BCL11A: variants seen among roughly 807,000 people sequenced by gnomAD.
BCL11A encodes BCL11 transcription factor A, also known as B cell CLL/lymphoma 11A.
BCL11A carries 2 observed loss-of-function variants against 55.9 expected under a neutral mutation model. The observed-to-expected ratio is 0.04, with a 90% CI of 0.01 to 0.11. The LOEUF (loss-of-function observed/expected upper bound fraction) is 0.11, where lower values mean the gene tolerates loss of function less well. BCL11A is among the 10% of genes least tolerant of loss of function. The pLI, the probability that BCL11A is intolerant of heterozygous loss-of-function variation, is 1.00. For missense variants in BCL11A, 817 were observed against 1,137.1 expected (o/e 0.72, Z 4.05); for synonymous variants, 465 against 473.4 (o/e 0.98, Z 0.23).
rs2103786411 is a variant in BCL11A, at chr2:60,457,771, A to C, written c.*2633T>G. The C allele has an allele frequency of 9.6e-7, 1 of 1,039,902 alleles. No homozygotes were observed. The highest frequency in any genetic ancestry group is 5.8e-5 in the East Asian group (1 of 17,220). The allele number at this position is 1,039,902 out of a possible 1,614,324, so 64.4% of individuals were successfully genotyped here. On this transcript the variant is annotated 3_prime_UTR_variant, in exon 4 of 4. Transcript: ENST00000642384. ...ATAGAAGGAAAGGGACAAAAAGCAC[A>C]CTACATAACAAACCAACGTTATTAG...
intron 2 of BCL11A, chr2:60,526,295 A>G (rs566951080): frequency 1.3e-3 from 203 of 152,360 alleles, no homozygotes; most frequent in African/African-American, 4.5e-3. Context: ...AATAGTTTTC[A>G]TCTTTAAAAG....
chr2:60,539,722 A>G (rs562983283), intron 2 of BCL11A, among the ~76,000 whole-genome samples: 1 of 152,362 alleles, frequency 6.6e-6, no homozygotes, highest in East Asian at 1.9e-4. Context: ...AGAGAGCTAA[A>G]GAATTCTTAT....
chr2:60,526,513 G>A (rs557904468), intron 2 of BCL11A: 1 of 152,292 alleles, frequency 6.6e-6, no homozygotes, highest in African/African-American at 2.4e-5. Context: ...AAATGTGTCG[G>A]GTAATTAAAT....
intron 2 of BCL11A, among the ~76,000 whole-genome samples, chr2:60,505,966 G>A (rs1399043129): frequency 6.6e-6 from 1 of 152,224 alleles, no homozygotes; most frequent in Middle Eastern, 3.2e-3. Context: ...AGATGGCATG[G>A]TGGCATTTGG....
Position 60,461,471 on chromosome 2 carries a change from C to G in BCL11A, c.1441G>C (p.Glu481Gln). The G allele has an allele frequency of 6.2e-7, 1 of 1,604,724 alleles. No individual in the cohort carries two copies. The highest frequency in any genetic ancestry group is 8.5e-7 in the Non-Finnish European group (1 of 1,179,730). The change falls in exon 4 of 4, where the codon GAG becomes CAG. Residue 481 changes from glutamate (E) to glutamine (Q), a missense_variant. By Grantham distance (29) the Glu-to-Gln change is conservative. This residue lies in a region of BCL11A where 379 missense variants were observed against 425.3 expected (regional missense o/e 0.89). Transcript: ENST00000642384. Reference protein sequence around the residue: ...KSENDPNLIPENGDEEEEEDD... With the variant: ...KSENDPNLIPQNGDEEEEEDD... Reference sequence around the variant, plus strand: ...TCCTCTTCCTCCTCGTCCCCGTTCTCCGGGATCAGGTTGGGGTCGTTCTCG... The same window carrying G: ...TCCTCTTCCTCCTCGTCCCCGTTCTGCGGGATCAGGTTGGGGTCGTTCTCG...
intron 2 of BCL11A, among the ~76,000 whole-genome samples, chr2:60,515,305 A>T (rs1053874880): frequency 1.3e-5 from 2 of 152,216 alleles, no homozygotes; most frequent in African/African-American, 4.8e-5. Flanking sequence ...CTGGACAGGG[A>T]GCTGGGGATC....
At chr2:60,484,971 A>G (rs1189986351) in intron 2 of BCL11A, among the ~76,000 whole-genome samples, 1 of 151,784 alleles carries the variant, frequency 6.6e-6, no homozygotes, top group African/African-American at 2.4e-5. Context: ...CTTAAAAAAA[A>G]AAAAAAAAAA....
intron 2 of BCL11A, among the ~76,000 whole-genome samples, chr2:60,529,733 A>G (rs1669363552): frequency 6.6e-6 from 1 of 152,226 alleles, no homozygotes; most frequent in Non-Finnish European, 1.5e-5. Context: ...TAGCCAGGGG[A>G]AGTAAATGTG....
At position 60,521,552 on chromosome 2, in the gene BCL11A, C is replaced by A. The variant is rs889358032; in HGVS notation, c.385+24419G>T. Among the ~76,000 whole-genome samples the A allele has an allele frequency of 2.0e-5, 3 of 152,180 alleles. No homozygotes were observed. The South Asian group carries it at 6.2e-4, about 31-fold the overall frequency. ...TTTTGCTATCTAGAAGAACAAAATT[C>A]CCCTTTCCAGCTCTGCAATTGCCAC... is the stretch of plus-strand genomic sequence containing the variant. On this transcript the variant is annotated intron_variant, in intron 2 of 3. Coordinates refer to ENST00000642384, the MANE Select transcript of BCL11A (RefSeq NM_022893.4).
chr2:60,455,890 G>A (rs557064470), downstream of BCL11A, among the ~76,000 whole-genome samples: 26 of 152,172 alleles, frequency 1.7e-4, no homozygotes, highest in Non-Finnish European at 3.5e-4. Context: ...ATTCAGTTTT[G>A]GAGAAACCTA....
chr2:60,471,116 G>A (rs1677169425), intron 2 of BCL11A, among the ~76,000 whole-genome samples: 3 of 152,168 alleles, frequency 2.0e-5, no homozygotes, highest in East Asian at 1.9e-4. Flanking sequence ...GCCCAGCAGC[G>A]CTACATGGGG....
chr2:60,528,086 T>A (rs887454611), intron 2 of BCL11A: 1 of 152,414 alleles, frequency 6.6e-6, no homozygotes, highest in African/African-American at 2.4e-5. Flanking sequence ...CAGCCAGAAA[T>A]GAAAACCTCC....
chr2:60,518,907 G>A (rs2104540360), intron 2 of BCL11A, among the ~76,000 whole-genome samples: 1 of 152,316 alleles, frequency 6.6e-6, no homozygotes, highest in Non-Finnish European at 1.5e-5. Flanking sequence ...GGGGCTGCTT[G>A]TTACTGACAT....
intron 2 of BCL11A, among the ~76,000 whole-genome samples, chr2:60,479,124 T>G (rs45445891): frequency 0.18 from 27,206 of 152,194 alleles, 2,999 homozygotes; most frequent in Non-Finnish European, 0.25. Context: ...CCATGGGGTG[T>G]GGCACTGCCG....
intron 2 of BCL11A, among the ~76,000 whole-genome samples, chr2:60,487,950 G>A (rs1295423866): frequency 6.6e-6 from 1 of 152,186 alleles, no homozygotes; most frequent in Non-Finnish European, 1.5e-5. Flanking sequence ...AAGGTTTACT[G>A]ACTTGGTTTT....
At chr2:60,467,798 C>G (rs1173013208) in intron 3 of BCL11A, among the ~76,000 whole-genome samples, 2 of 70,370 alleles carry the variant, frequency 2.8e-5, no homozygotes, top group Admixed American at 1.2e-4. Context: ...GGTGATGGTA[C>G]TGGTGGTGAT....
intron 3 of BCL11A, among the ~76,000 whole-genome samples, chr2:60,465,892 A>G (rs1676576654): frequency 6.6e-6 from 1 of 152,196 alleles, no homozygotes; most frequent in South Asian, 2.1e-4. Flanking sequence ...GTCCCAGTCC[A>G]GGCCTTAACC....
chr2:60,550,206 C>T (rs1057018794), intron 1 of BCL11A, among the ~76,000 whole-genome samples: 1 of 152,186 alleles, frequency 6.6e-6, no homozygotes, highest in Non-Finnish European at 1.5e-5. Context: ...AATGCCGGCC[C>T]CGAAAGAAAG....
In BCL11A at chr2:60,461,316, C is replaced by T. The variant is rs770777547; in HGVS notation, c.1596G>A (p.Ala532=). Residue 532 remains alanine, a synonymous_variant, in exon 4 of 4, where the codon GCG becomes GCA. Coordinates refer to ENST00000642384, the MANE Select transcript of BCL11A (RefSeq NM_022893.4). ...ARHHENSSRG[A]VVGVGDESRA... is the part of the protein sequence containing the mutation. ...GGCTCTCGTCGCCCACGCCCACGAC[C>T]GCGCCCCGCGAGCTGTTCTCGTGGT... is the stretch of plus-strand genomic sequence containing the variant. The T allele has an allele frequency of 1.9e-6, 3 of 1,599,692 alleles. No homozygotes were observed. Among genetic ancestry groups the T allele is most frequent in the Admixed American group, 1.7e-5 (1 of 59,586 alleles).
Sources: gnomAD v4.1 joint callset for allele counts (sites outside exome capture counted in the v4.1 genomes callset) on GRCh38, gnomAD v4.1.1 for gene constraint, gnomAD v4.1.1 regional missense constraint, MANE v1.5 for transcripts, NCBI Gene and HGNC (gene_info 2026-07-23, HGNC 2026-07-21) for gene names.